Variants in GIT2 observed in about 807,000 individuals in gnomAD.
GIT2 encodes GIT ArfGAP 2.
In GIT2, 32 loss-of-function variants were observed where a neutral mutation model predicts 100.3. That is an observed-to-expected ratio of 0.32 (90% CI 0.24 to 0.43). GIT2 has a LOEUF of 0.43. Among genes scored for constraint, GIT2 ranks in the 20% least tolerant of loss-of-function variants. The pLI, the probability that GIT2 is intolerant of heterozygous loss-of-function variation, is 1.00. For missense variants in GIT2, 737 were observed against 975.1 expected, an observed-to-expected ratio of 0.76 and a Z score of 3.25; for synonymous variants, 353 against 364.1, an observed-to-expected ratio of 0.97 and a Z score of 0.35.
chr12:109,989,541 G>A (rs1020973364), intron 3 of GIT2, 149 bp downstream of exon 3: 9 of 599,440 alleles, frequency 1.5e-5, no homozygotes, highest in Admixed American at 1.5e-4. Context: ...ACCCCATTCT[G>A]CATTTCTAAT....
At chr12:109,999,594 C>A, upstream of GIT2, 1 of 1,057,608 alleles carries the variant, frequency 9.5e-7, no homozygotes, top group South Asian at 1.8e-5. This position sits in a 1 kb window ranked among gnomAD's most constrained non-coding sequence, Gnocchi z 4.3. Flanking sequence ...CGCTCGCTTG[C>A]TCGCCGGCCT....
intron 3 of GIT2, 135 bp downstream of exon 3, chr12:109,989,555 A>C (rs1888011862): frequency 1.6e-6 from 1 of 611,512 alleles, no homozygotes; most frequent in East Asian, 2.8e-5. Flanking sequence ...TTCTAATAGC[A>C]AAGAACCTGA....
intron 6 of GIT2, 105 bp from the exon 7 acceptor site, chr12:109,981,151 G>A: frequency 1.3e-6 from 1 of 752,832 alleles, no homozygotes; most frequent in Non-Finnish European, 2.4e-6. Flanking sequence ...TATCACACAA[G>A]ACTTTTGAGA....
In GIT2 at chr12:109,933,076, C is replaced by T. The variant is rs201742073; in HGVS notation, c.2182G>A (p.Val728Ile). 171 of 1,613,472 alleles carry T rather than the reference C, an allele frequency of 1.1e-4. No individual in the cohort carries two copies. Among genetic ancestry groups the T allele is most frequent in the Non-Finnish European group, 1.4e-4 (160 of 1,179,502 alleles). ...LPGDPGSPTD[V>I]QLVTQQVIQC... ...ATGACCTGCTGCGTGACCAGCTGAA[C>T]GTCTGTGGGTGAGCCGGGGTCCCCT... Residue 728 changes from valine to isoleucine, a missense_variant, in exon 20 of 20, where the codon GTT (valine) becomes ATT (isoleucine). Val to Ile is a conservative substitution (Grantham distance 29). Coordinates refer to ENST00000355312, the MANE Select transcript of GIT2 (RefSeq NM_057169.5). The surrounding 1 kb of genome is among the most constrained non-coding windows in gnomAD (Gnocchi z 4.5).
At chr12:109,969,262 G>A (rs1043982609) in intron 7 of GIT2, among the ~76,000 whole-genome samples, 3 of 149,056 alleles carry the variant, frequency 2.0e-5, no homozygotes, top group Non-Finnish European at 3.0e-5. Context: ...CTGCCTCCCG[G>A]GTTCAAGCAA....
At chr12:109,974,931 T>C (rs1026076492) in intron 7 of GIT2, among the ~76,000 whole-genome samples, 1 of 152,216 alleles carries the variant, frequency 6.6e-6, no homozygotes, top group Admixed American at 6.5e-5. Flanking sequence ...GCTTCATGTA[T>C]TTTGAAGGTC....
chr12:109,991,439 G>A (rs1358761507), intron 2 of GIT2, among the ~76,000 whole-genome samples, 188 bp downstream of exon 2: 3 of 152,154 alleles, frequency 2.0e-5, no homozygotes, highest in Non-Finnish European at 2.9e-5. Context: ...TGTCAAGTAG[G>A]AAGAAAAGTC....
In GIT2 at chr12:109,980,983, T is replaced by C. The variant is rs1886207029; in HGVS notation, c.687A>G (p.Arg229=). 6.2e-7 allele frequency: 1 copy of C among 1,611,786 alleles called. No homozygotes were observed. The highest frequency in any genetic ancestry group is 8.5e-7 in the Non-Finnish European group (1 of 1,177,820). Residue 229 remains arginine (R), a synonymous_variant, in exon 7 of 20, where the codon AGA becomes AGG. Transcript: ENST00000355312. ...LVEIQYELTD[R]LAFYLCGRKP... Reference sequence around the variant, plus strand: ...TCCTGCCACAGAGATAGAAGGCTAGTCTGTCCGTTAGCTCATACTGTATTT... The same window carrying C: ...TCCTGCCACAGAGATAGAAGGCTAGCCTGTCCGTTAGCTCATACTGTATTT...
chr12:109,948,489 G>A lies in GIT2; in HGVS notation c.1393-985C>T, dbSNP rs1349020381. 1 of 1,175,342 alleles carries A rather than the reference G, an allele frequency of 8.5e-7. No homozygotes were observed. The highest frequency in any genetic ancestry group is 1.6e-5 in the African/African-American group (1 of 62,650). The allele number at this position is 1,175,342 out of a possible 1,614,324, so 72.8% of individuals were successfully genotyped here. ...TGGATTAGAGTTAAGGGGTCAGCAGGGAATCGTGTTACTCTTTGGCATCTG... is the reference window on the plus strand; with the variant it reads ...TGGATTAGAGTTAAGGGGTCAGCAGAGAATCGTGTTACTCTTTGGCATCTG... On this transcript the variant is annotated intron_variant, in intron 14 of 19. Coordinates refer to ENST00000355312, the MANE Select transcript of GIT2 (RefSeq NM_057169.5). This position sits in a 1 kb window ranked among gnomAD's most constrained non-coding sequence, Gnocchi z 4.3.
chr12:109,934,939 A>G lies in GIT2; in HGVS notation c.2004-854T>C, dbSNP rs1277467378. Among the ~76,000 whole-genome samples, 2 of 152,098 alleles carry G rather than the reference A, an allele frequency of 1.3e-5. No individual in the cohort carries two copies. Among genetic ancestry groups the G allele is most frequent in the African/African-American group, 2.4e-5 (1 of 41,434 alleles). Reference sequence around the variant, plus strand: ...AAAAATACAAAAAAATTAGCTGGGCATTGTGGCGCATGCCTGTAATCCCAG... The same window carrying G: ...AAAAATACAAAAAAATTAGCTGGGCGTTGTGGCGCATGCCTGTAATCCCAG... On this transcript the variant is annotated intron_variant, in intron 18 of 19. Transcript: ENST00000355312. The surrounding 1 kb of genome is among the most constrained non-coding windows in gnomAD (Gnocchi z 4.5).
At chr12:109,952,797 T>A (rs2136289222) in intron 13 of GIT2, 1 of 482,970 alleles carries the variant, frequency 2.1e-6, no homozygotes, top group Admixed American at 3.3e-5. Flanking sequence ...AATGAGAGCC[T>A]CACAGGAAAG....
chr12:109,946,848 C>T (rs1312072280), intron 15 of GIT2, among the ~76,000 whole-genome samples: 3 of 152,140 alleles, frequency 2.0e-5, no homozygotes, highest in Non-Finnish European at 4.4e-5. Context: ...GGCTCCAGTA[C>T]TTAAAGGGGC....
chr12:109,939,100 C>T (rs1385483526), intron 17 of GIT2, 65 bp downstream of exon 17: 24 of 912,678 alleles, frequency 2.6e-5, no homozygotes, highest in Non-Finnish European at 4.4e-5. Context: ...TTCTGCTGGC[C>T]CAGGCCTGCC....
chr12:109,945,922 C>G (rs1354360917), intron 15 of GIT2, among the ~76,000 whole-genome samples: 1 of 151,962 alleles, frequency 6.6e-6, no homozygotes, highest in East Asian at 1.9e-4. Flanking sequence ...ATTGCCTGAG[C>G]TCAGGAGTTT....
At chr12:109,941,952 G>A (rs770570268) in intron 16 of GIT2, among the ~76,000 whole-genome samples, 2 of 151,816 alleles carry the variant, frequency 1.3e-5, no homozygotes, top group Non-Finnish European at 2.9e-5. Context: ...AGCTTCCTGA[G>A]CAGCTGGGAC....
intron 12 of GIT2, among the ~76,000 whole-genome samples, chr12:109,959,197 AG>A (rs1186078312): frequency 6.6e-6 from 1 of 151,220 alleles, no homozygotes; most frequent in African/African-American, 2.4e-5. Flanking sequence ...CCTCCTGGGT[AG>A]CTGGGATTAC....
At position 109,951,258 on chromosome 12, in the gene GIT2, T is replaced by G; in HGVS notation, c.1301A>C (p.Lys434Thr). 6.2e-7 allele frequency: 1 copy of G among 1,611,746 alleles called. No homozygotes were observed. Among genetic ancestry groups the G allele is most frequent in the Non-Finnish European group, 8.5e-7 (1 of 1,177,800 alleles). Residue 434 changes from lysine to threonine, a missense_variant, in exon 14 of 20, where the codon AAA (lysine) becomes ACA (threonine). Transcript: ENST00000355312. ...GGCCTCAGAAGCCACTAGAGCGTTT[T>G]TGACCTCCATAAATTCCTGTACAGT... ...PVTVQEFMEV[K>T]NALVASEAKI...
intron 16 of GIT2, among the ~76,000 whole-genome samples, chr12:109,942,296 C>G (rs1436484247): frequency 6.6e-6 from 1 of 152,110 alleles, no homozygotes; most frequent in Non-Finnish European, 1.5e-5. Context: ...CAGAATTAAA[C>G]CCAGAAAATT....
At chr12:109,939,603 T>C (rs2136170906) in intron 16 of GIT2, 1 of 155,484 alleles carries the variant, frequency 6.4e-6, no homozygotes, top group Non-Finnish European at 1.4e-5. Flanking sequence ...GTAATCCCTG[T>C]ATTTTGGGAG....
Sources: gnomAD v4.1 joint callset for allele counts (sites outside exome capture counted in the v4.1 genomes callset) on GRCh38, gnomAD v4.1.1 for gene constraint, Gnocchi (gnomAD v3.1) non-coding constraint, MANE v1.5 for transcripts, NCBI Gene and HGNC (gene_info 2026-07-23, HGNC 2026-07-21) for gene names.